The following STPG2 variants were observed in gnomAD, a reference collection of about 807,000 sequenced individuals.
STPG2 encodes sperm tail PG-rich repeat containing 2.
Under a neutral mutation model 54.2 loss-of-function variants are expected in STPG2, and 56 were observed. The ratio of observed to expected loss-of-function variants is 1.03; its 90% CI spans 0.83 to 1.29. STPG2 has a LOEUF of 1.29. Among genes scored for constraint, STPG2 ranks in the 50% most tolerant of loss-of-function variants. The pLI is 0.00. For missense variants in STPG2, 596 were observed against 544.9 expected, an observed-to-expected ratio of 1.09 and a Z score of -0.93; for synonymous variants, 200 against 181.8, an observed-to-expected ratio of 1.10 and a Z score of -0.81.
intron 10 of STPG2, among the ~76,000 whole-genome samples, chr4:97,658,233 A>C (rs1344278721): frequency 1.3e-5 from 2 of 152,220 alleles, no homozygotes; most frequent in African/African-American, 4.8e-5. Context: ...ATATGCCTGC[A>C]ATCTTTAAAT....
chr4:97,874,096 C>A (rs1291557564), intron 8 of STPG2, among the ~76,000 whole-genome samples: 1 of 151,224 alleles, frequency 6.6e-6, no homozygotes, highest in African/African-American at 2.4e-5. Flanking sequence ...CCATCAGAAA[C>A]AAAATAGTAA....
chr4:97,599,684 C>T (rs976134927), intron 10 of STPG2, among the ~76,000 whole-genome samples: 1 of 151,692 alleles, frequency 6.6e-6, no homozygotes, highest in African/African-American at 2.4e-5. Context: ...ATTACCAGGG[C>T]GTGGTGGCGG....
At chr4:97,457,537 C>T (rs1273281772) in intron 4 of STPG2, among the ~76,000 whole-genome samples, 2 of 152,180 alleles carry the variant, frequency 1.3e-5, no homozygotes, top group Non-Finnish European at 2.9e-5. Context: ...TATAAGTTTT[C>T]ACCTCACACC....
chr4:97,921,063 T>C (rs1264156073), intron 8 of STPG2, among the ~76,000 whole-genome samples: 1 of 152,100 alleles, frequency 6.6e-6, no homozygotes, highest in East Asian at 1.9e-4. Context: ...ACAGAAATAA[T>C]AAAAGATGCA....
At chr4:98,000,168 T>G (rs1159267736) in intron 5 of STPG2, among the ~76,000 whole-genome samples, 1 of 152,166 alleles carries the variant, frequency 6.6e-6, no homozygotes, top group Non-Finnish European at 1.5e-5. Context: ...TTCATCAGAC[T>G]GATAACTATT....
intron 7 of STPG2, among the ~76,000 whole-genome samples, chr4:97,953,304 C>T (rs1437884159): frequency 6.6e-6 from 1 of 152,182 alleles, no homozygotes; most frequent in Non-Finnish European, 1.5e-5. Flanking sequence ...AGCTCCCATG[C>T]ACTTGGCAAA....
chr4:98,046,887 G>A (rs1737145720), intron 5 of STPG2, among the ~76,000 whole-genome samples: 1 of 152,170 alleles, frequency 6.6e-6, no homozygotes, highest in Non-Finnish European at 1.5e-5. Context: ...GAACCACAAG[G>A]AGGAGCTACA....
At chr4:97,948,037 G>GT (rs2149236891) in intron 7 of STPG2, among the ~76,000 whole-genome samples, 1 of 125,172 alleles carries the variant, frequency 8.0e-6, no homozygotes, top group South Asian at 2.6e-4. Context: ...CTGATCCTGG[G>GT]CTTTTTTCTT....
At chr4:97,524,489 G>T (rs1731243569) in intron 4 of STPG2, among the ~76,000 whole-genome samples, 1 of 151,804 alleles carries the variant, frequency 6.6e-6, no homozygotes, top group African/African-American at 2.4e-5. Context: ...ACAGCTGCTT[G>T]TTTCATTTCC....
intron 9 of STPG2, among the ~76,000 whole-genome samples, chr4:97,832,721 G>C (rs1324987930): frequency 4.6e-5 from 7 of 151,972 alleles, no homozygotes; most frequent in Non-Finnish European, 2.9e-5. Flanking sequence ...ACCAATAACA[G>C]ACAAACAGAG....
intron 10 of STPG2, among the ~76,000 whole-genome samples, chr4:97,571,647 T>C (rs1732603754): frequency 6.6e-6 from 1 of 152,162 alleles, no homozygotes; most frequent in African/African-American, 2.4e-5. Flanking sequence ...GAAGTCCTTG[T>C]CTTGAGTTGT....
intron 8 of STPG2, among the ~76,000 whole-genome samples, chr4:97,882,283 T>C (rs1730405897): frequency 6.6e-6 from 1 of 152,162 alleles, no homozygotes; most frequent in Non-Finnish European, 1.5e-5. Flanking sequence ...AAGCATTTCT[T>C]ACTGTGTAGA....
intron 5 of STPG2, among the ~76,000 whole-genome samples, chr4:97,981,782 T>C (rs989423066): frequency 6.0e-5 from 9 of 149,964 alleles, no homozygotes; most frequent in African/African-American, 2.2e-4. Flanking sequence ...TTCAGTGGTT[T>C]ATCAATTCAG....
chr4:97,820,321 C>T (rs972661275), intron 9 of STPG2, among the ~76,000 whole-genome samples: 1 of 152,068 alleles, frequency 6.6e-6, no homozygotes, highest in South Asian at 2.1e-4. Context: ...TAAGACATAA[C>T]AGTGCTGAAA....
chr4:98,037,554 T>G (rs1203175643), intron 5 of STPG2, among the ~76,000 whole-genome samples: 1 of 151,524 alleles, frequency 6.6e-6, no homozygotes, highest in Non-Finnish European at 1.5e-5. Context: ...TGTCTATCAC[T>G]GATACGCAAC....
In STPG2 at chr4:97,712,826, C is replaced by T; in HGVS notation, c.1205-12G>A. On this transcript the variant is annotated splice_polypyrimidine_tract_variant and intron_variant, in intron 9 of 10. Transcript: ENST00000295268. ...GTATGCTGCAGGACCTGAGAGACAACAAATGTAAAAATTATGATAAAGTAT... is the reference window on the plus strand; with the variant it reads ...GTATGCTGCAGGACCTGAGAGACAATAAATGTAAAAATTATGATAAAGTAT... The T allele has an allele frequency of 6.6e-7, 1 of 1,524,918 alleles. No homozygotes were observed. The highest frequency in any genetic ancestry group is 1.4e-5 in the African/African-American group (1 of 71,508). 94.5% of individuals were successfully genotyped at this position (1,524,918 alleles called of 1,614,324 possible). A position where few individuals can be genotyped will look rare whatever the true frequency, so the allele number is the denominator to read the frequency against.
At chr4:97,677,790 C>T (rs1578473119) in intron 10 of STPG2, among the ~76,000 whole-genome samples, 2 of 152,240 alleles carry the variant, frequency 1.3e-5, no homozygotes, top group East Asian at 3.9e-4. Context: ...ATGCTGGTGA[C>T]TTCATGGAGC....
At chr4:97,503,403 A>G (rs966268606) in intron 4 of STPG2, among the ~76,000 whole-genome samples, 4 of 152,078 alleles carry the variant, frequency 2.6e-5, no homozygotes, top group Non-Finnish European at 5.9e-5. Context: ...ATTTGAAAAC[A>G]AAATATCAGA....
At chr4:97,547,799 T>C (rs1428980755) in intron 4 of STPG2, among the ~76,000 whole-genome samples, 3 of 152,088 alleles carry the variant, frequency 2.0e-5, no homozygotes, top group East Asian at 1.9e-4. Flanking sequence ...GCAGTTAAAT[T>C]TGTCATACTC....
Sources: allele counts gnomAD v4.1 joint callset (sites outside exome capture counted in the v4.1 genomes callset), GRCh38; gene constraint gnomAD v4.1.1; transcripts MANE v1.5; gene names NCBI Gene and HGNC (gene_info 2026-07-23, HGNC 2026-07-21).